PLEK: variants seen among roughly 807,000 people sequenced by gnomAD.
PLEK encodes pleckstrin.
In PLEK, 25 loss-of-function variants were observed where a neutral mutation model predicts 43.9. That is an observed-to-expected ratio of 0.57 (90% CI 0.41 to 0.79). PLEK has a LOEUF of 0.79. PLEK is among the 30% of genes least tolerant of loss of function. The pLI, the probability that PLEK is intolerant of heterozygous loss-of-function variation, is 0.00. For synonymous variants in PLEK, 152 were observed against 144.4 expected (o/e 1.05, Z -0.38); for missense variants, 396 against 413.3 (o/e 0.96, Z 0.36).
At chr2:68,374,831 C>T (rs1287545367) in intron 1 of PLEK, among the ~76,000 whole-genome samples, 3 of 152,110 alleles carry the variant, frequency 2.0e-5, no homozygotes, top group Non-Finnish European at 2.9e-5. Flanking sequence ...CAGGTACTAG[C>T]GGTTCATTTT....
At chr2:68,390,721 T>C (rs900618047) in intron 6 of PLEK, among the ~76,000 whole-genome samples, 1 of 152,198 alleles carries the variant, frequency 6.6e-6, no homozygotes. Flanking sequence ...TTAGCCAGGA[T>C]TAACTTCATA....
chr2:68,384,555 G>GTGGGTT lies in PLEK; in HGVS notation c.472+1924_472+1929dup, dbSNP rs550366401. ...TAAATCCTTCTTGTTGAAGGCCAGG[G>GTGGGTT]TGGGTTTTGGACATTTCTATGGGTA... On this transcript the variant is annotated intron_variant, in intron 4 of 8. Transcript: ENST00000234313. 2.3e-3 allele frequency among the ~76,000 whole-genome samples: 351 copies of GTGGGTT among 152,294 alleles called. 3 individuals carry two copies. The highest frequency in any genetic ancestry group is 4.0e-3 in the Non-Finnish European group (275 of 68,034).
At chr2:68,389,061 G>A (rs922904286) in intron 6 of PLEK, among the ~76,000 whole-genome samples, 3 of 152,240 alleles carry the variant, frequency 2.0e-5, no homozygotes, top group African/African-American at 7.2e-5. Flanking sequence ...ATGTCCAGGT[G>A]TCCACAGGTA....
chr2:68,380,513 C>A, intron 2 of PLEK, 30 bp downstream of exon 2: 1 of 1,602,772 alleles, frequency 6.2e-7, no homozygotes, highest in Non-Finnish European at 8.5e-7. Context: ...TGCCGTGAAC[C>A]CCTGGTCAGG....
At chr2:68,380,522 G>A (rs1206088351) in intron 2 of PLEK, 39 bp downstream of exon 2, 1 of 1,596,042 alleles carries the variant, frequency 6.3e-7, no homozygotes, top group Non-Finnish European at 8.6e-7. Flanking sequence ...CCCCTGGTCA[G>A]GCACTCAACT....
intron 4 of PLEK, among the ~76,000 whole-genome samples, chr2:68,384,145 T>G (rs1332301807): frequency 6.7e-6 from 1 of 150,016 alleles, no homozygotes; most frequent in Non-Finnish European, 1.5e-5. Flanking sequence ...GGCTGGTTTT[T>G]TTCTTCTTGT....
chr2:68,369,101 C>A (rs1673341524), intron 1 of PLEK, among the ~76,000 whole-genome samples: 1 of 152,234 alleles, frequency 6.6e-6, no homozygotes, highest in South Asian at 2.1e-4. Flanking sequence ...TTCATCATCA[C>A]TGTAACAGCT....
chr2:68,386,286 T>C (rs565200521), intron 4 of PLEK, among the ~76,000 whole-genome samples: 104 of 152,228 alleles, frequency 6.8e-4, no homozygotes, highest in African/African-American at 2.4e-3. Context: ...TTAAGCAGCA[T>C]GTAGATGTTC....
At chr2:68,391,848 G>A (rs1208826883) in intron 6 of PLEK, among the ~76,000 whole-genome samples, 1 of 152,112 alleles carries the variant, frequency 6.6e-6, no homozygotes, top group Non-Finnish European at 1.5e-5. Context: ...TTTGGCTTCT[G>A]GAGTTAAGTC....
Position 68,382,569 on chromosome 2 carries a change from T to C in PLEK, c.408T>C (p.Thr136=), listed in dbSNP as rs781074184. The change falls in exon 4 of 9, where the codon ACT becomes ACC. Residue 136 remains threonine, a synonymous_variant. Transcript: ENST00000234313. The part of the protein sequence containing the change: ...LGALYLSMKD[T]EKGIKELNLE... ...CCTTATATTTGTCCATGAAAGACACTGAAAAAGGAATAAAAGAACTGAATC... is the reference window on the plus strand; with the variant it reads ...CCTTATATTTGTCCATGAAAGACACCGAAAAAGGAATAAAAGAACTGAATC... 1 of 1,599,360 alleles carries C rather than the reference T, an allele frequency of 6.3e-7. No individual in the cohort carries two copies. The highest frequency in any genetic ancestry group is 1.1e-5 in the South Asian group (1 of 90,766).
chr2:68,382,754 C>T, intron 4 of PLEK, 121 bp downstream of exon 4: 2 of 612,946 alleles, frequency 3.3e-6, no homozygotes, highest in Non-Finnish European at 6.0e-6. Context: ...CAGAATGCAG[C>T]CTGGTGAGCC....
Position 68,395,771 on chromosome 2 carries a change from A to G in PLEK, c.1008A>G (p.Thr336=). 6.2e-7 allele frequency: 1 copy of G among 1,613,800 alleles called. No individual in the cohort carries two copies. Among genetic ancestry groups the G allele is most frequent in the Non-Finnish European group, 8.5e-7 (1 of 1,179,704 alleles). The change falls in exon 9 of 9, where the codon ACA becomes ACG. Residue 336 remains threonine (T), a synonymous_variant. Coordinates refer to ENST00000234313, the MANE Select transcript of PLEK (RefSeq NM_002664.3). The stretch of plus-strand genomic sequence containing the variant: ...AAGCAGCCACCCCCAAGGAGCGCAC[A>G]GAGTGGATCAGAGCCATCCAGATGG... ...FLQAATPKER[T]EWIRAIQMAS...
chr2:68,372,321 G>A (rs1302269333), intron 1 of PLEK, among the ~76,000 whole-genome samples: 1 of 151,828 alleles, frequency 6.6e-6, no homozygotes, highest in Admixed American at 6.6e-5. Flanking sequence ...CCGTAGGTGT[G>A]CATCACCACA....
rs780894397 is a variant in PLEK at position 68,378,857 on chromosome 2, C to T, written c.43-1471C>T. On this transcript the variant is annotated intron_variant, in intron 1 of 8. Coordinates refer to ENST00000234313, the MANE Select transcript of PLEK (RefSeq NM_002664.3). The stretch of plus-strand genomic sequence containing the variant: ...AGAAAGTCATAGAACCAGCTGGGCG[C>T]GATGGCTCACACCTGTAATCCCAGC... 4.5e-4 allele frequency among the ~76,000 whole-genome samples: 68 copies of T among 152,080 alleles called. 1 individual carries two copies. Among genetic ancestry groups the T allele is most frequent in the African/African-American group, 1.4e-4 (6 of 41,402 alleles).
intron 7 of PLEK, among the ~76,000 whole-genome samples, 186 bp downstream of exon 7, chr2:68,393,431 C>A (rs1673899669): frequency 6.6e-6 from 1 of 152,000 alleles, no homozygotes; most frequent in South Asian, 2.1e-4. Context: ...AGATCTTGGG[C>A]CTCTGAGGTC....
rs1673754466 is a variant in PLEK, at chr2:68,386,825, C to T, written c.657+139C>T. The stretch of plus-strand genomic sequence containing the variant: ...GTCAGCCAGGAAGAACAAGGGAATA[C>T]CTGAAGCTCCCAGGCCCATTTAGAG... On this transcript the variant is annotated intron_variant, in intron 5 of 8. Coordinates refer to ENST00000234313, the MANE Select transcript of PLEK (RefSeq NM_002664.3). 10 of 628,070 alleles carry T rather than the reference C, an allele frequency of 1.6e-5. 1 individual carries two copies. Among genetic ancestry groups the T allele is most frequent in the South Asian group, 1.0e-4 (5 of 47,668 alleles). 38.9% of individuals were successfully genotyped at this position (628,070 alleles called of 1,614,324 possible).
Position 68,380,464 on chromosome 2 carries a change from A to G in PLEK, c.179A>G (p.Gln60Arg). 6.2e-7 allele frequency: 1 copy of G among 1,613,768 alleles called. No individual in the cohort carries two copies. The highest frequency in any genetic ancestry group is 1.3e-5 in the African/African-American group (1 of 75,032). ...LKGSTLTSPC[Q>R]DFGKRMFVFK... ...GGGAGCACTCTGACTAGCCCTTGTC[A>G]AGACTTTGGCAAAAGGATGGTAAGT... The change falls in exon 2 of 9, where the codon CAA becomes CGA. Residue 60 changes from glutamine to arginine, a missense_variant. Coordinates refer to ENST00000234313, the MANE Select transcript of PLEK (RefSeq NM_002664.3).
chr2:68,383,537 A>T (rs1056520462), intron 4 of PLEK, among the ~76,000 whole-genome samples: 4 of 152,180 alleles, frequency 2.6e-5, no homozygotes, highest in African/African-American at 9.7e-5. Context: ...AGGGCAGAGG[A>T]TGAGCAGAGG....
chr2:68,375,599 C>T (rs1337299544), intron 1 of PLEK, among the ~76,000 whole-genome samples: 1 of 152,182 alleles, frequency 6.6e-6, no homozygotes, highest in Non-Finnish European at 1.5e-5. Flanking sequence ...ATTTTAGTAA[C>T]TAGAACAAAG....
Sources: gnomAD v4.1 joint callset for allele counts (sites outside exome capture counted in the v4.1 genomes callset) on GRCh38, gnomAD v4.1.1 for gene constraint, MANE v1.5 for transcripts, NCBI Gene and HGNC (gene_info 2026-07-23, HGNC 2026-07-21) for gene names.